Variants in PLA2R1 observed in about 807,000 individuals in gnomAD.
PLA2R1 encodes secretory phospholipase A2 receptor.
In PLA2R1, 158 loss-of-function variants were observed where a neutral mutation model predicts 195.9. The ratio of observed to expected loss-of-function variants is 0.81; its 90% confidence interval spans 0.71 to 0.92. The LOEUF is 0.92. Among genes scored for constraint, PLA2R1 ranks in the 40% least tolerant of loss-of-function variants. PLA2R1 has a pLI of 0.00. For missense variants in PLA2R1, 1,626 were observed against 1,764.6 expected, an observed-to-expected ratio of 0.92 and a Z score of 1.41; for synonymous variants, 586 against 598.2, an observed-to-expected ratio of 0.98 and a Z score of 0.30.
Position 159,940,885 on chromosome 2 carries a change from T to C in PLA2R1, c.*893A>G, listed in dbSNP as rs1374856461. ...CTATAATTCAGATCTTTAGCTCTTC[T>C]CCTTTAAATCCAAGTTACATTTTAT... On this transcript the variant is annotated 3_prime_UTR_variant, in exon 30 of 30. Transcript: ENST00000283243. 2 of 152,202 alleles carry C rather than the reference T, an allele frequency of 1.3e-5. No homozygotes were observed. Among genetic ancestry groups the C allele is most frequent in the Non-Finnish European group, 2.9e-5 (2 of 68,016 alleles). 9.4% of individuals were successfully genotyped at this position (152,202 alleles called of 1,614,324 possible).
In PLA2R1 at chr2:159,951,347, G is replaced by T; in HGVS notation, c.3533C>A (p.Thr1178Asn). Residue 1178 changes from threonine to asparagine, a missense_variant, in exon 24 of 30, where the codon ACC (threonine) becomes AAC (asparagine). By Grantham distance (65) the Thr-to-Asn change is moderately conservative. Coordinates refer to ENST00000283243, the MANE Select transcript of PLA2R1 (RefSeq NM_007366.5). The stretch of plus-strand genomic sequence containing the variant: ...GGGAGTTAGGATACCTACATCTGTG[G>T]TGAACAGTCCAATCCAGTGGGCATA... ...LGYAHWIGLF[T>N]TDNGLNFDWS... 6.3e-7 allele frequency: 1 copy of T among 1,581,310 alleles called. No homozygotes were observed. Among genetic ancestry groups the T allele is most frequent in the Non-Finnish European group, 8.7e-7 (1 of 1,150,242 alleles).
intron 1 of PLA2R1, among the ~76,000 whole-genome samples, chr2:160,056,378 A>C (rs1695546593): frequency 6.6e-6 from 1 of 152,146 alleles, no homozygotes; most frequent in Non-Finnish European, 1.5e-5. Flanking sequence ...TTTGCTCTGG[A>C]CATTGGGCTC....
intron 10 of PLA2R1, among the ~76,000 whole-genome samples, chr2:160,006,410 T>G (rs1290407811): frequency 6.6e-6 from 1 of 152,202 alleles, no homozygotes; most frequent in African/African-American, 2.4e-5. Flanking sequence ...AATCTGCATG[T>G]TCACTGAAGA....
chr2:160,010,501 T>C (rs984940601), intron 10 of PLA2R1, among the ~76,000 whole-genome samples: 10 of 152,348 alleles, frequency 6.6e-5, no homozygotes, highest in African/African-American at 1.9e-4. Flanking sequence ...TGGTTCTAAT[T>C]GTGCCCATCA....
chr2:160,034,465 T>C (rs1450764472), intron 3 of PLA2R1, among the ~76,000 whole-genome samples: 1 of 152,212 alleles, frequency 6.6e-6, no homozygotes, highest in African/African-American at 2.4e-5. Context: ...GGCTGAAATT[T>C]CCCCATTGAG....
chr2:160,016,329 G>A (rs1245141266), intron 9 of PLA2R1, among the ~76,000 whole-genome samples: 1 of 151,832 alleles, frequency 6.6e-6, no homozygotes, highest in African/African-American at 2.4e-5. Flanking sequence ...GTGAGACAGG[G>A]CATCACACAT....
Position 160,005,571 on chromosome 2 carries a change from C to A in PLA2R1, c.1834+81G>T, listed in dbSNP as rs190458387. 5 of 1,169,636 alleles carry A rather than the reference C, an allele frequency of 4.3e-6. No individual in the cohort carries two copies. The Admixed American group carries it at 1.1e-4, about 25-fold the overall frequency. 72.5% of individuals were successfully genotyped at this position (1,169,636 alleles called of 1,614,324 possible). Reference sequence around the variant, plus strand: ...CATTAAGAAAACATTAAGAAAGAATCAAAGGAGGTGGGCCAAGGGGTGGAA... The same window carrying A: ...CATTAAGAAAACATTAAGAAAGAATAAAAGGAGGTGGGCCAAGGGGTGGAA... On this transcript the variant is annotated intron_variant, in intron 11 of 29. Coordinates refer to ENST00000283243, the MANE Select transcript of PLA2R1 (RefSeq NM_007366.5).
intron 11 of PLA2R1, among the ~76,000 whole-genome samples, chr2:160,001,149 A>G (rs1031900950): frequency 6.6e-6 from 1 of 152,166 alleles, no homozygotes; most frequent in Non-Finnish European, 1.5e-5. Flanking sequence ...AACAACAACA[A>G]AATCATGGCT....
intron 10 of PLA2R1, among the ~76,000 whole-genome samples, chr2:160,010,679 C>T (rs1425595572): frequency 3.3e-5 from 5 of 152,196 alleles, no homozygotes; most frequent in Non-Finnish European, 2.9e-5. Flanking sequence ...CATCTACTGC[C>T]CAACCTTCTC....
chr2:159,947,529 C>T lies in PLA2R1; in HGVS notation c.3740G>A (p.Cys1247Tyr). The T allele has an allele frequency of 6.2e-7, 1 of 1,613,346 alleles. No individual in the cohort carries two copies. The highest frequency in any genetic ancestry group is 8.5e-7 in the Non-Finnish European group (1 of 1,179,586). ...TATCCAGGGAATAGATGTTTCTGAG[C>T]ACAACTCTGGGTGTTCAGATTGTCT... is the stretch of plus-strand genomic sequence containing the variant. ...ETRQSEHPEL[C>Y]SETSIPWIKF... Residue 1247 changes from cysteine to tyrosine, a missense_variant, in exon 26 of 30, where the codon TGC (cysteine) becomes TAC (tyrosine). By Grantham distance (194) the Cys-to-Tyr change is radical. Coordinates refer to ENST00000283243, the MANE Select transcript of PLA2R1 (RefSeq NM_007366.5).
At chr2:160,016,509 GGA>G (rs917767517) in intron 9 of PLA2R1, 103 bp downstream of exon 9, 78 of 664,778 alleles carry the variant, frequency 1.2e-4, no homozygotes, top group African/African-American at 6.1e-4. Flanking sequence ...ATGAAAGAGA[GGA>G]GAGAGAGAGA....
chr2:159,936,322 T>C lies in PLA2R1; in HGVS notation c.*5456A>G, dbSNP rs1273336324. On this transcript the variant is annotated 3_prime_UTR_variant, in exon 30 of 30. Transcript: ENST00000283243. Reference sequence around the variant, plus strand: ...ATTACACATTTTCTTCTATATTGAGTTGTCATTTCAATTATTGTTAGTATA... The same window carrying C: ...ATTACACATTTTCTTCTATATTGAGCTGTCATTTCAATTATTGTTAGTATA... 1 of 152,156 alleles carries C rather than the reference T, an allele frequency of 6.6e-6. No individual in the cohort carries two copies. Among genetic ancestry groups the C allele is most frequent in the East Asian group, 1.9e-4 (1 of 5,200 alleles). The allele number at this position is 152,156 out of a possible 1,614,324, so 9.4% of individuals were successfully genotyped here.
At chr2:160,056,633 C>A (rs539036534) in intron 1 of PLA2R1, among the ~76,000 whole-genome samples, 7 of 152,126 alleles carry the variant, frequency 4.6e-5, no homozygotes, top group Non-Finnish European at 7.4e-5. Flanking sequence ...GTTTCTTGAA[C>A]CCAAACTTTC....
At position 159,952,536 on chromosome 2, in the gene PLA2R1, T is replaced by C. The variant is rs563747469; in HGVS notation, c.3302-958A>G. Among the ~76,000 whole-genome samples the C allele has an allele frequency of 2.8e-4, 42 of 152,278 alleles. No homozygotes were observed. The South Asian group carries it at 7.9e-3, about 29-fold the overall frequency. On this transcript the variant is annotated intron_variant, in intron 23 of 29. Transcript: ENST00000283243. ...ATTTCTGTGTACTGGTTTTACTACA[T>C]TTGGTGTTGGAAAGAAGCATGTGAG...
intron 1 of PLA2R1, among the ~76,000 whole-genome samples, chr2:160,057,897 C>G (rs955746521): frequency 6.6e-6 from 1 of 152,208 alleles, no homozygotes; most frequent in Non-Finnish European, 1.5e-5. Flanking sequence ...CCAGGAGCAC[C>G]AGGGGGTGAA....
chr2:160,028,470 T>C (rs1693658179), intron 5 of PLA2R1, 109 bp from the exon 6 acceptor site: 1 of 753,020 alleles, frequency 1.3e-6, no homozygotes, highest in South Asian at 1.6e-5. Flanking sequence ...TTGTCATATA[T>C]AGTAAATCCT....
chr2:159,924,323 A>C, the PLA2R1 span, among the ~76,000 whole-genome samples: 1 of 152,218 alleles, frequency 6.6e-6, no homozygotes. Context: ...ACTTTGCCAC[A>C]TAAGGTAACA....
chr2:160,016,698 T>C lies in PLA2R1; in HGVS notation c.1467A>G (p.Lys489=), dbSNP rs1223562925. The part of the protein sequence containing the change: ...VSAEQSEGHW[K]VKNCEERLFY... The stretch of plus-strand genomic sequence containing the variant: ...AAAGTCTTTCTTCACAATTTTTGAC[T>C]TTCCAGTGTCCCTCCTACGGAGAAA... The change falls in exon 9 of 30, where the codon AAA becomes AAG. Residue 489 remains lysine (K), a synonymous_variant. Coordinates refer to ENST00000283243, the MANE Select transcript of PLA2R1 (RefSeq NM_007366.5). The C allele has an allele frequency of 1.3e-6, 2 of 1,585,066 alleles. No individual in the cohort carries two copies. Among genetic ancestry groups the C allele is most frequent in the East Asian group, 2.2e-5 (1 of 44,730 alleles).
chr2:160,016,985 TGCTAGGCTTAATG>T (rs1398062283), intron 8 of PLA2R1, among the ~76,000 whole-genome samples: 2 of 152,312 alleles, frequency 1.3e-5, no homozygotes, highest in East Asian at 3.9e-4. Context: ...AGCTGCCATG[TGCTAGGCTTAATG>T]CAGGGCGATT....
Sources: allele counts gnomAD v4.1 joint callset (sites outside exome capture counted in the v4.1 genomes callset), GRCh38; gene constraint gnomAD v4.1.1; transcripts MANE v1.5; gene names NCBI Gene and HGNC (gene_info 2026-07-23, HGNC 2026-07-21).